The following PCDHGA1 variants were observed in gnomAD, a reference collection of about 807,000 sequenced individuals.
PCDHGA1 encodes protocadherin gamma subfamily A, 1, also known as protocadherin gamma-A1.
In PCDHGA1, 32 loss-of-function variants were observed where a neutral mutation model predicts 58.0. The observed-to-expected ratio is 0.55, with a 90% confidence interval of 0.42 to 0.74. The LOEUF (loss-of-function observed/expected upper bound fraction) is 0.74. Ranked by LOEUF, PCDHGA1 falls within the 30% of genes least tolerant of loss-of-function variation. PCDHGA1 has a pLI of 0.00. For synonymous variants in PCDHGA1, 498 were observed against 501.1 expected, an observed-to-expected ratio of 0.99 and a Z score of 0.08; for missense variants, 1,205 against 1,182.3, an observed-to-expected ratio of 1.02 and a Z score of -0.28.
intron 1 of PCDHGA1, among the ~76,000 whole-genome samples, chr5:141,445,851 A>G (rs957077325): frequency 2.0e-5 from 3 of 152,210 alleles, no homozygotes; most frequent in African/African-American, 7.2e-5. Context: ...CACACTTAAA[A>G]TTCTGGATTT....
chr5:141,414,615 G>T, intron 1 of PCDHGA1: 1 of 1,613,962 alleles, frequency 6.2e-7, no homozygotes, highest in Non-Finnish European at 8.5e-7. Flanking sequence ...CAGTGACAGC[G>T]CTGGACCCGG....
intron 1 of PCDHGA1, chr5:141,427,507 T>A: frequency 1.7e-6 from 1 of 584,928 alleles, no homozygotes; most frequent in Non-Finnish European, 3.2e-6. Context: ...GATGGGACCC[T>A]GGATTGGGAG....
chr5:141,345,318 A>G, intron 1 of PCDHGA1: 1 of 1,613,980 alleles, frequency 6.2e-7, no homozygotes, highest in Middle Eastern at 1.6e-4. Context: ...AGATGGGGGA[A>G]GCCCGCCACT....
At chr5:141,475,902 C>T (rs1296545944) in intron 1 of PCDHGA1, 1 of 576,594 alleles carries the variant, frequency 1.7e-6, no homozygotes, top group Non-Finnish European at 3.0e-6. Context: ...GTGCCGCTGT[C>T]GGCCAATGAA....
chr5:141,388,374 A>G (rs1169150224), intron 1 of PCDHGA1: 1 of 1,614,020 alleles, frequency 6.2e-7, no homozygotes, highest in South Asian at 1.1e-5. Flanking sequence ...GGATATTGGT[A>G]GCAACACACT....
rs1425295626 is a variant in PCDHGA1 at position 141,477,940 on chromosome 5, C to T, written c.2422-16867C>T. On this transcript the variant is annotated intron_variant, in intron 1 of 3. Coordinates refer to ENST00000517417, the MANE Select transcript of PCDHGA1 (RefSeq NM_018912.3). This position sits in a 1 kb window ranked among gnomAD's most constrained non-coding sequence, Gnocchi z 4.9. ...CAGGGCACAATGCCTGGCTCTCCTA[C>T]AGTCTCTTGGGATCCCCTAACCAGA... The T allele has an allele frequency of 6.2e-7, 1 of 1,614,178 alleles. No homozygotes were observed. Among genetic ancestry groups the T allele is most frequent in the South Asian group, 1.1e-5 (1 of 91,084 alleles).
chr5:141,382,945 C>A, intron 1 of PCDHGA1: 1 of 1,597,008 alleles, frequency 6.3e-7, no homozygotes, highest in Non-Finnish European at 8.6e-7. Flanking sequence ...ATTCTTCCTG[C>A]TCTCCATCCT....
At position 141,487,728 on chromosome 5, in the gene PCDHGA1, C is replaced by T. The variant is rs986276637; in HGVS notation, c.2422-7079C>T. 2 of 1,570,444 alleles carry T rather than the reference C, an allele frequency of 1.3e-6. No homozygotes were observed. Among genetic ancestry groups the T allele is most frequent in the East Asian group, 2.3e-5 (1 of 42,866 alleles). ...TCAGTAAGTGCCCATAGTGATGTCA[C>T]CATTTTTGTAAGAGGTAACTATGTG... On this transcript the variant is annotated intron_variant, in intron 1 of 3. Coordinates refer to ENST00000517417, the MANE Select transcript of PCDHGA1 (RefSeq NM_018912.3). The surrounding 1 kb of genome is among the most constrained non-coding windows in gnomAD (Gnocchi z 5.0).
intron 1 of PCDHGA1, chr5:141,344,944 T>TA (rs1404421152): frequency 6.2e-7 from 1 of 1,613,856 alleles, no homozygotes; most frequent in East Asian, 2.2e-5. Flanking sequence ...GTATCAATAT[T>TA]AAAAAGTCTA....
At chr5:141,446,697 C>T (rs1254994356) in intron 1 of PCDHGA1, among the ~76,000 whole-genome samples, 9 of 152,134 alleles carry the variant, frequency 5.9e-5, no homozygotes, top group Admixed American at 5.9e-4. Context: ...AGGCTGGTCT[C>T]GAACTCTGAT....
At chr5:141,382,912 C>T in intron 1 of PCDHGA1, 1 of 1,552,240 alleles carries the variant, frequency 6.4e-7, no homozygotes, top group South Asian at 1.2e-5. Context: ...GGCGGCTCAG[C>T]CGAGGGGCGG....
At chr5:141,455,438 C>G (rs1350941007) in intron 1 of PCDHGA1, among the ~76,000 whole-genome samples, 1 of 152,082 alleles carries the variant, frequency 6.6e-6, no homozygotes, top group Non-Finnish European at 1.5e-5. Context: ...GAGGAGGTCC[C>G]CATCTACCGC....
At chr5:141,441,554 G>T (rs3805698) in intron 1 of PCDHGA1, 21,236 of 192,824 alleles carry the variant, frequency 0.11, 1,386 homozygotes, top group African/African-American at 0.18. Flanking sequence ...TCCATAGTGT[G>T]CAAGTAGACA....
chr5:141,390,534 A>C (rs2092170785), intron 1 of PCDHGA1: 1 of 525,162 alleles, frequency 1.9e-6, no homozygotes, highest in Non-Finnish European at 3.3e-6. Context: ...TGTGGTTTTA[A>C]CCACAAAGTG....
chr5:141,394,275 A>G (rs371709954), intron 1 of PCDHGA1: 21 of 1,613,792 alleles, frequency 1.3e-5, no homozygotes, highest in Non-Finnish European at 1.6e-5. Flanking sequence ...TGCCCAGGTC[A>G]CTTACTCTGT....
Position 141,405,346 on chromosome 5 carries a change from G to T in PCDHGA1, c.2421+72241G>T, listed in dbSNP as rs184640789. 60 of 1,614,108 alleles carry T rather than the reference G, an allele frequency of 3.7e-5. No individual in the cohort carries two copies. The East Asian group carries it at 1.3e-3, about 35-fold the overall frequency. The stretch of plus-strand genomic sequence containing the variant: ...CTTTGTGCGTCTCTGTTGATTCCAA[G>T]TTTCCTATAGAAGACACCCCTTTGG... On this transcript the variant is annotated intron_variant, in intron 1 of 3. Transcript: ENST00000517417.
chr5:141,356,960 T>G, intron 1 of PCDHGA1: 1 of 1,614,210 alleles, frequency 6.2e-7, no homozygotes, highest in Non-Finnish European at 8.5e-7. Flanking sequence ...TCCGGCTACC[T>G]GGTGACCAAA....
chr5:141,421,833 C>T (rs1364245594), intron 1 of PCDHGA1: 6 of 1,613,756 alleles, frequency 3.7e-6, no homozygotes, highest in Non-Finnish European at 4.2e-6. Flanking sequence ...GAAGCCTGGA[C>T]CGAGAGAAAG....
chr5:141,413,756 A>G, intron 1 of PCDHGA1: 1 of 1,613,042 alleles, frequency 6.2e-7, no homozygotes, highest in South Asian at 1.1e-5. Context: ...AATGGCGTCA[A>G]GTACCCGGAG....
Sources: gnomAD v4.1 joint callset for allele counts (sites outside exome capture counted in the v4.1 genomes callset) on GRCh38, gnomAD v4.1.1 for gene constraint, Gnocchi (gnomAD v3.1) non-coding constraint, MANE v1.5 for transcripts, NCBI Gene and HGNC (gene_info 2026-07-23, HGNC 2026-07-21) for gene names.